Variants in FERMT3 observed in about 807,000 individuals in gnomAD.
FERMT3 encodes fermitin family homolog 3.
FERMT3 carries 33 observed loss-of-function variants against 80.8 expected under a neutral mutation model. That is an observed-to-expected ratio of 0.41 (90% CI 0.31 to 0.55). The LOEUF (loss-of-function observed/expected upper bound fraction) is 0.55, where lower values mean the gene tolerates loss of function less well. FERMT3 is among the 20% of genes least tolerant of loss of function. The pLI is 0.31. For missense variants in FERMT3, 754 were observed against 908.7 expected (o/e 0.83, Z 2.19); for synonymous variants, 375 against 372.2 (o/e 1.01, Z -0.09).
At chr11:64,222,060 G>A (rs1189535385) in intron 13 of FERMT3, among the ~76,000 whole-genome samples, 2 of 151,816 alleles carry the variant, frequency 1.3e-5, no homozygotes, top group East Asian at 3.9e-4. Flanking sequence ...CCAACATGGT[G>A]AAACCCTGTA....
At position 64,211,433 on chromosome 11, in the gene FERMT3, C is replaced by T; in HGVS notation, c.673C>T (p.Leu225Phe). Residue 225 changes from leucine to phenylalanine, a missense_variant, in exon 5 of 15, where the codon CTC becomes TTC. Physicochemically the swap from Leu to Phe is conservative, Grantham distance 22. Transcript: ENST00000345728. This position sits in a 1 kb window ranked among gnomAD's most constrained non-coding sequence, Gnocchi z 4.7. ...RPSSLSDKTQLHSRWLDSSRC... is the reference protein window; with the variant it reads ...RPSSLSDKTQFHSRWLDSSRC... The stretch of plus-strand genomic sequence containing the variant: ...CAGCTCCCTGTCAGACAAGACCCAG[C>T]TCCACAGCAGGTGCACCCAGGAGCC... 6.3e-7 allele frequency: 1 copy of T among 1,593,380 alleles called. No individual in the cohort carries two copies. The highest frequency in any genetic ancestry group is 2.3e-5 in the East Asian group (1 of 43,936).
At chr11:64,207,629 T>A in intron 2 of FERMT3, 105 bp downstream of exon 2, 1 of 1,380,216 alleles carries the variant, frequency 7.2e-7, no homozygotes, top group Non-Finnish European at 9.8e-7. Context: ...CCGATAATGG[T>A]GTCACGGTGA....
At chr11:64,220,352 G>A (rs748806361) in intron 11 of FERMT3, 26 bp downstream of exon 11, 1 of 1,611,300 alleles carries the variant, frequency 6.2e-7, no homozygotes, top group Non-Finnish European at 8.5e-7. Context: ...GCAGGGGCCA[G>A]GGCCGGGCAG....
intron 2 of FERMT3, among the ~76,000 whole-genome samples, chr11:64,209,871 A>G (rs1476098269): frequency 6.6e-6 from 1 of 152,140 alleles, no homozygotes; most frequent in Non-Finnish European, 1.5e-5. Flanking sequence ...CCACCTGTTC[A>G]TGCTCCTGGA....
In FERMT3 at chr11:64,219,570, C is replaced by G; in HGVS notation, c.941C>G (p.Ala314Gly). ...LSQSGEVGEP[A>G]GTDPGLDDLD... The stretch of plus-strand genomic sequence containing the variant: ...CAGAGCGGGGAGGTGGGGGAGCCGG[C>G]TGGCACAGACCCAGGGCTGGACGAC... Residue 314 changes from alanine (A) to glycine (G), a missense_variant, in exon 8 of 15, where the codon GCT (alanine) becomes GGT (glycine). Physicochemically the swap from Ala to Gly is moderately conservative, Grantham distance 60. Transcript: ENST00000345728. The surrounding 1 kb of genome is among the most constrained non-coding windows in gnomAD (Gnocchi z 4.0). The G allele has an allele frequency of 6.2e-7, 1 of 1,612,296 alleles. No homozygotes were observed.
chr11:64,220,532 C>T lies in FERMT3; in HGVS notation c.1408C>T (p.Leu470=), dbSNP rs751370857. The change falls in exon 12 of 15, where the codon CTG becomes TTG. Residue 470 remains leucine, a synonymous_variant. Coordinates refer to ENST00000345728, the MANE Select transcript of FERMT3 (RefSeq NM_031471.6). The part of the protein sequence containing the change: ...SSYTSEVQAI[L]AFLSLQRTGS... ...CTACACCAGCGAGGTGCAGGCCATC[C>T]TGGCCTTCCTCAGCCTGCAGCGCAC... The T allele has an allele frequency of 3.7e-6, 6 of 1,607,800 alleles. No individual in the cohort carries two copies. The South Asian group carries it at 5.5e-5, about 15-fold the overall frequency.
At chr11:64,207,591 C>CT (rs1946341337) in intron 2 of FERMT3, 67 bp downstream of exon 2, 3 of 1,545,408 alleles carry the variant, frequency 1.9e-6, no homozygotes, top group Non-Finnish European at 2.6e-6. Context: ...TCTCTGGGCA[C>CT]TTCCGGGCCA....
In FERMT3 at chr11:64,223,669, C is replaced by A. The variant is rs1591048354; in HGVS notation, c.*177C>A. 2 of 855,548 alleles carry A rather than the reference C, an allele frequency of 2.3e-6. No individual in the cohort carries two copies. The highest frequency in any genetic ancestry group is 2.7e-5 in the East Asian group (1 of 37,640). 53.0% of individuals were successfully genotyped at this position (855,548 alleles called of 1,614,324 possible). On this transcript the variant is annotated 3_prime_UTR_variant, in exon 15 of 15. Transcript: ENST00000345728. Reference sequence around the variant, plus strand: ...CTGGCAGGGCCAGACGCTGTACCATCACCCAGGCCAGGGATGGGGGTGGGG... The same window carrying A: ...CTGGCAGGGCCAGACGCTGTACCATAACCCAGGCCAGGGATGGGGGTGGGG...
rs1422595055 is a variant in FERMT3, at chr11:64,210,500, T to C, written c.161-111T>C. 3.6e-6 allele frequency: 4 copies of C among 1,119,032 alleles called. No homozygotes were observed. Among genetic ancestry groups the C allele is most frequent in the African/African-American group, 3.1e-5 (2 of 65,120 alleles). The allele number at this position is 1,119,032 out of a possible 1,614,324, so 69.3% of individuals were successfully genotyped here. A position where few individuals can be genotyped will look rare whatever the true frequency, so the allele number is the denominator to read the frequency against. Reference sequence around the variant, plus strand: ...CGCCCAGGCTGCCCCACTCTTGGCTTAGGCAGGGCAGGGGAGTGGTCGCCC... The same window carrying C: ...CGCCCAGGCTGCCCCACTCTTGGCTCAGGCAGGGCAGGGGAGTGGTCGCCC... On this transcript the variant is annotated intron_variant, in intron 2 of 14. Transcript: ENST00000345728. The surrounding 1 kb of genome is among the most constrained non-coding windows in gnomAD (Gnocchi z 4.3).
In FERMT3 at chr11:64,211,794, G is replaced by A. The variant is rs1282129235; in HGVS notation, c.786+47G>A. ...GCGGGCCTCAGGTCCATGAGATGTG[G>A]AGACCTAGGGCCTGGGGTATGGGCT... On this transcript the variant is annotated intron_variant, in intron 6 of 14. Coordinates refer to ENST00000345728, the MANE Select transcript of FERMT3 (RefSeq NM_031471.6). This position sits in a 1 kb window ranked among gnomAD's most constrained non-coding sequence, Gnocchi z 4.7. 6.4e-6 allele frequency: 10 copies of A among 1,565,144 alleles called. No homozygotes were observed. In the Admixed American group the frequency reaches 1.5e-4, roughly 24 times the overall value.
rs1158526392 is a variant in FERMT3, at chr11:64,221,111, C to T, written c.1641C>T (p.Pro547=). ...TCATCCAGGCCTGGCAGTCCCTGCC[C>T]GACTTCGGCATCTCCTATGTCATGG... is the stretch of plus-strand genomic sequence containing the variant. ...LRFIQAWQSL[P]DFGISYVMVR... is the part of the protein sequence containing the mutation. The change falls in exon 13 of 15, where the codon CCC becomes CCT. Residue 547 remains proline (P), a synonymous_variant. Coordinates refer to ENST00000345728, the MANE Select transcript of FERMT3 (RefSeq NM_031471.6). 5 of 1,610,946 alleles carry T rather than the reference C, an allele frequency of 3.1e-6. No individual in the cohort carries two copies. Among genetic ancestry groups the T allele is most frequent in the East Asian group, 2.2e-5 (1 of 44,884 alleles).
chr11:64,222,973 C>T (rs922593160), intron 13 of FERMT3, 75 bp from the exon 14 acceptor site: 71 of 1,593,466 alleles, frequency 4.5e-5, no homozygotes, highest in Middle Eastern at 1.7e-4. Context: ...CTCTCCAGCA[C>T]GGCGCCACAT....
At position 64,210,777 on chromosome 11, in the gene FERMT3, A is replaced by C; in HGVS notation, c.327A>C (p.Ala109=). 2 of 1,614,006 alleles carry C rather than the reference A, an allele frequency of 1.2e-6. No individual in the cohort carries two copies. The highest frequency in any genetic ancestry group is 1.7e-6 in the Non-Finnish European group (2 of 1,179,992). ...TCCTTCGGTTGCCCAACCGCCGCGC[A>C]CTGCGCCTCCGTGCCAGCTTCTCCC... The part of the protein sequence containing the change: ...PVILRLPNRR[A]LRLRASFSQP... Residue 109 remains alanine (A), a synonymous_variant, in exon 3 of 15, where the codon GCA becomes GCC. Coordinates refer to ENST00000345728, the MANE Select transcript of FERMT3 (RefSeq NM_031471.6). The surrounding 1 kb of genome is among the most constrained non-coding windows in gnomAD (Gnocchi z 4.3).
chr11:64,216,478 C>T (rs1055443387), intron 6 of FERMT3, among the ~76,000 whole-genome samples: 20 of 143,738 alleles, frequency 1.4e-4, no homozygotes, highest in African/African-American at 4.0e-4. Context: ...GGATTACAGG[C>T]GTGAGCCACC....
intron 6 of FERMT3, among the ~76,000 whole-genome samples, chr11:64,215,667 G>A (rs1250454008): frequency 6.6e-6 from 1 of 152,038 alleles, no homozygotes; most frequent in East Asian, 1.9e-4. Context: ...TTGAACTCCT[G>A]GGCTCAAGCA....
Position 64,220,334 on chromosome 11 carries a change from A to G in FERMT3, c.1311+8A>G. On this transcript the variant is annotated splice_region_variant and intron_variant, in intron 11 of 14. Coordinates refer to ENST00000345728, the MANE Select transcript of FERMT3 (RefSeq NM_031471.6). ...TACCTGCGGTGCCAGGATGTGAGTGAGGGCTGGGCAGGGGCCAGGGCCGGG... is the reference window on the plus strand; with the variant it reads ...TACCTGCGGTGCCAGGATGTGAGTGGGGGCTGGGCAGGGGCCAGGGCCGGG... 1 of 1,612,098 alleles carries G rather than the reference A, an allele frequency of 6.2e-7. No individual in the cohort carries two copies.
chr11:64,220,570 C>T lies in FERMT3; in HGVS notation c.1446C>T (p.Gly482=), dbSNP rs1157367570. 6.2e-7 allele frequency: 1 copy of T among 1,607,860 alleles called. No individual in the cohort carries two copies. Among genetic ancestry groups the T allele is most frequent in the Non-Finnish European group, 8.5e-7 (1 of 1,177,530 alleles). Residue 482 remains glycine, a synonymous_variant, in exon 12 of 15, where the codon GGC becomes GGT. Coordinates refer to ENST00000345728, the MANE Select transcript of FERMT3 (RefSeq NM_031471.6). The part of the protein sequence containing the change: ...FLSLQRTGSG[G]PGNHPHGPDA... ...GCCTGCAGCGCACGGGCAGTGGGGG[C>T]CCGGGCAACCACCCCCACGGCCCTG...
chr11:64,220,349 CCAGGGCCGGG>C, intron 11 of FERMT3, 23 bp downstream of exon 11: 3 of 1,610,696 alleles, frequency 1.9e-6, no homozygotes, highest in Non-Finnish European at 2.5e-6. Flanking sequence ...TGGGCAGGGG[CCAGGGCCGGG>C]CAGGAGCTGG....
intron 6 of FERMT3, among the ~76,000 whole-genome samples, chr11:64,213,892 C>T (rs890702561): frequency 6.6e-6 from 1 of 152,072 alleles, no homozygotes; most frequent in Non-Finnish European, 1.5e-5. Flanking sequence ...GTGTTTTCTT[C>T]TCTATGACAT....
Sources: gnomAD v4.1 joint callset for allele counts (sites outside exome capture counted in the v4.1 genomes callset) on GRCh38, gnomAD v4.1.1 for gene constraint, Gnocchi (gnomAD v3.1) non-coding constraint, MANE v1.5 for transcripts, NCBI Gene and HGNC (gene_info 2026-07-23, HGNC 2026-07-21) for gene names.